The following NEUROD2 variants were observed in gnomAD, a reference collection of about 807,000 sequenced individuals.
The protein encoded by NEUROD2 is neurogenic differentiation factor 2.
Under a neutral mutation model 9.3 loss-of-function variants are expected in NEUROD2, and 5 were observed. The observed-to-expected ratio is 0.54, with a 90% CI of 0.28 to 1.13. The LOEUF (loss-of-function observed/expected upper bound fraction) is 1.13, where lower values mean the gene tolerates loss of function less well. Among genes scored for constraint, NEUROD2 ranks in the 50% most tolerant of loss-of-function variants. The pLI is 0.10. For synonymous variants in NEUROD2, 277 were observed against 257.3 expected, an observed-to-expected ratio of 1.08 and a Z score of -0.73; for missense variants, 376 against 549.2, an observed-to-expected ratio of 0.68 and a Z score of 3.15.
At chr17:39,607,482 C>T in intron 1 of NEUROD2, 1 of 449,296 alleles carries the variant, frequency 2.2e-6, no homozygotes, top group Non-Finnish European at 2.9e-6. Context: ...TCGGCCTCTT[C>T]GCATATCCCC....
chr17:39,605,618 G>A lies in NEUROD2; in HGVS notation c.982C>T (p.His328Tyr). The A allele has an allele frequency of 6.2e-7, 1 of 1,613,630 alleles. No homozygotes were observed. The highest frequency in any genetic ancestry group is 8.5e-7 in the Non-Finnish European group (1 of 1,179,782). ...DHEKSYHYSM[H>Y]YSALPGSRPT... is the part of the protein sequence containing the mutation. ...CGCGAACCGGGCAGCGCCGAGTAGTGCATAGAGTAGTGGTAGCTTTTCTCG... is the reference window on the plus strand; with the variant it reads ...CGCGAACCGGGCAGCGCCGAGTAGTACATAGAGTAGTGGTAGCTTTTCTCG... Residue 328 changes from histidine (H) to tyrosine (Y), a missense_variant, in exon 2 of 2, where the codon CAC (histidine) becomes TAC (tyrosine). Around this residue, in one of 3 missense-constraint regions of NEUROD2, gnomAD observed 193 missense variants for 255.8 expected, o/e 0.75. Coordinates refer to ENST00000302584, the MANE Select transcript of NEUROD2 (RefSeq NM_006160.4). This position sits in a 1 kb window ranked among gnomAD's most constrained non-coding sequence, Gnocchi z 6.8.
chr17:39,606,159 C>A lies in NEUROD2; in HGVS notation c.441G>T (p.Val147=), dbSNP rs758478170. 1.9e-6 allele frequency: 3 copies of A among 1,613,600 alleles called. No homozygotes were observed. In the South Asian group the frequency reaches 3.3e-5, roughly 18 times the overall value. ...TCTGCGTCTTGGAGTAGCAGGGCACCACCTTGCGCAGGTTGTCCAGGGCTG... is the reference window on the plus strand; with the variant it reads ...TCTGCGTCTTGGAGTAGCAGGGCACAACCTTGCGCAGGTTGTCCAGGGCTG... ...LNAALDNLRK[V]VPCYSKTQKL... Residue 147 remains valine, a synonymous_variant, in exon 2 of 2, where the codon GTG becomes GTT. Coordinates refer to ENST00000302584, the MANE Select transcript of NEUROD2 (RefSeq NM_006160.4). This position sits in a 1 kb window ranked among gnomAD's most constrained non-coding sequence, Gnocchi z 7.8.
Position 39,606,114 on chromosome 17 carries a change from C to A in NEUROD2, c.486G>T (p.Thr162=). ...AGATATAGTTCTTGGCTAGGCGCAG[C>A]GTCTCGATCTTGGACAGCTTCTGCG... is the stretch of plus-strand genomic sequence containing the variant. ...SKTQKLSKIE[T]LRLAKNYIWA... is the part of the protein sequence containing the mutation. The change falls in exon 2 of 2, where the codon ACG becomes ACT. Residue 162 remains threonine (T), a synonymous_variant. Coordinates refer to ENST00000302584, the MANE Select transcript of NEUROD2 (RefSeq NM_006160.4). The surrounding 1 kb of genome is among the most constrained non-coding windows in gnomAD (Gnocchi z 7.8). 6.2e-7 allele frequency: 1 copy of A among 1,614,034 alleles called. No homozygotes were observed. Among genetic ancestry groups the A allele is most frequent in the South Asian group, 1.1e-5 (1 of 91,068 alleles).
At chr17:39,607,477 C>T (rs2056774138) in intron 1 of NEUROD2, 1 of 402,290 alleles carries the variant, frequency 2.5e-6, no homozygotes, top group Non-Finnish European at 3.4e-6. Context: ...CCGTCTCGGC[C>T]TCTTCGCATA....
In NEUROD2 at chr17:39,606,771, GC is replaced by G; in HGVS notation, c.-5-168del. ...CCGCCGCCTGCCCCGCCCAGAGCCG[GC>G]CCAGCCCTACCCGGCTGCCGGCCTG... is the stretch of plus-strand genomic sequence containing the variant. On this transcript the variant is annotated intron_variant, in intron 1 of 1. Coordinates refer to ENST00000302584, the MANE Select transcript of NEUROD2 (RefSeq NM_006160.4). This position sits in a 1 kb window ranked among gnomAD's most constrained non-coding sequence, Gnocchi z 7.8. 1 of 688,458 alleles carries G rather than the reference GC, an allele frequency of 1.5e-6. No individual in the cohort carries two copies. The highest frequency in any genetic ancestry group is 2.2e-6 in the Non-Finnish European group (1 of 446,958). The allele number at this position is 688,458 out of a possible 1,614,324, so 42.6% of individuals were successfully genotyped here.
Position 39,605,826 on chromosome 17 carries a change from G to T in NEUROD2, c.774C>A (p.Gly258=), listed in dbSNP as rs1391794130. The change falls in exon 2 of 2, where the codon GGC becomes GGA. Residue 258 remains glycine (G), a synonymous_variant. Transcript: ENST00000302584. This position sits in a 1 kb window ranked among gnomAD's most constrained non-coding sequence, Gnocchi z 6.8. ...TCCGCAGGGCGTGCGCCGCGCCGCC[G>T]CCCAGGCCGCCGGCCGCCTGGCACT... ...GAQCQAAGGL[G]GGAAHALRTH... is the part of the protein sequence containing the mutation. The T allele has an allele frequency of 1.5e-6, 2 of 1,366,976 alleles. No homozygotes were observed. Among genetic ancestry groups the T allele is most frequent in the Non-Finnish European group, 1.9e-6 (2 of 1,066,718 alleles). 84.7% of individuals were successfully genotyped at this position (1,366,976 alleles called of 1,614,324 possible).
In NEUROD2 at chr17:39,606,792, G is replaced by T. The variant is rs1388294021; in HGVS notation, c.-5-188C>A. The T allele has an allele frequency of 8.7e-6, 5 of 574,892 alleles. No individual in the cohort carries two copies. The highest frequency in any genetic ancestry group is 4.0e-5 in the African/African-American group (2 of 49,794). 35.6% of individuals were successfully genotyped at this position (574,892 alleles called of 1,614,324 possible). ...GCCGGCCCAGCCCTACCCGGCTGCC[G>T]GCCTGGGATCTCGGCCCAGGCCCTC... On this transcript the variant is annotated intron_variant, in intron 1 of 1. Transcript: ENST00000302584. The surrounding 1 kb of genome is among the most constrained non-coding windows in gnomAD (Gnocchi z 7.8).
Position 39,606,438 on chromosome 17 carries a change from C to T in NEUROD2, c.162G>A (p.Ala54=). 1.3e-6 allele frequency: 2 copies of T among 1,518,096 alleles called. No homozygotes were observed. The highest frequency in any genetic ancestry group is 1.8e-6 in the Non-Finnish European group (2 of 1,138,414). The allele number at this position is 1,518,096 out of a possible 1,614,324, so 94.0% of individuals were successfully genotyped here. Residue 54 remains alanine, a synonymous_variant, in exon 2 of 2, where the codon GCG becomes GCA. Coordinates refer to ENST00000302584, the MANE Select transcript of NEUROD2 (RefSeq NM_006160.4). The surrounding 1 kb of genome is among the most constrained non-coding windows in gnomAD (Gnocchi z 7.8). ...CTCCACGGAGAGGGACTGGCTTGGCCGCCCGGGCTGGCCCCGGAGCCCCTG... is the reference window on the plus strand; with the variant it reads ...CTCCACGGAGAGGGACTGGCTTGGCTGCCCGGGCTGGCCCCGGAGCCCCTG... The part of the protein sequence containing the change: ...PGPGAPGPAR[A]AKPVPLRGEE...
At position 39,605,392 on chromosome 17, in the gene NEUROD2, G is replaced by A; in HGVS notation, c.*59C>T. The A allele has an allele frequency of 6.8e-7, 1 of 1,471,542 alleles. No individual in the cohort carries two copies. The highest frequency in any genetic ancestry group is 1.4e-5 in the South Asian group (1 of 72,132). 91.2% of individuals were successfully genotyped at this position (1,471,542 alleles called of 1,614,324 possible). On this transcript the variant is annotated 3_prime_UTR_variant, in exon 2 of 2. Coordinates refer to ENST00000302584, the MANE Select transcript of NEUROD2 (RefSeq NM_006160.4). The surrounding 1 kb of genome is among the most constrained non-coding windows in gnomAD (Gnocchi z 6.8). ...GATGGGGGTGTCCCTGCGCTCTGGG[G>A]GCTGGGGACAGGGGGGCGGGCAAAG... is the stretch of plus-strand genomic sequence containing the variant.
At position 39,605,868 on chromosome 17, in the gene NEUROD2, C is replaced by A. The variant is rs546874342; in HGVS notation, c.732G>T (p.Ser244=). 1.9e-6 allele frequency: 3 copies of A among 1,540,378 alleles called. No individual in the cohort carries two copies. The highest frequency in any genetic ancestry group is 2.8e-5 in the African/African-American group (2 of 71,466). ...CCTGGCACTGTGCGCCCGCCAGGCG[C>A]GAGCACGGGTACGGGTAGGGGTGCA... ...FAMHPYPYPC[S]RLAGAQCQAA... Residue 244 remains serine (S), a synonymous_variant, in exon 2 of 2, where the codon TCG becomes TCT. Coordinates refer to ENST00000302584, the MANE Select transcript of NEUROD2 (RefSeq NM_006160.4). This position sits in a 1 kb window ranked among gnomAD's most constrained non-coding sequence, Gnocchi z 6.8.
At chr17:39,607,612 C>A (rs923925324) in intron 1 of NEUROD2, 116 bp downstream of exon 1, 13 of 985,084 alleles carry the variant, frequency 1.3e-5, no homozygotes, top group Non-Finnish European at 1.3e-5. Flanking sequence ...GATGCCCACC[C>A]AATGAGGGGG....
Position 39,606,320 on chromosome 17 carries a change from C to T in NEUROD2, c.280G>A (p.Asp94Asn), listed in dbSNP as rs776909821. Reference sequence around the variant, plus strand: ...TTGGGCCGCTCGCCCTCCGCCTCGTCCAGTCCTTCTTCCTCCTCCTCTTCC... The same window carrying T: ...TTGGGCCGCTCGCCCTCCGCCTCGTTCAGTCCTTCTTCCTCCTCCTCTTCC... ...EEEEEEEEGL[D>N]EAEGERPKKR... is the part of the protein sequence containing the mutation. The change falls in exon 2 of 2, where the codon GAC becomes AAC. Residue 94 changes from aspartate to asparagine, a missense_variant. Asp to Asn is a conservative substitution (Grantham distance 23). Transcript: ENST00000302584. The surrounding 1 kb of genome is among the most constrained non-coding windows in gnomAD (Gnocchi z 7.8). 1.9e-6 allele frequency: 3 copies of T among 1,601,516 alleles called. No homozygotes were observed. The highest frequency in any genetic ancestry group is 1.3e-5 in the African/African-American group (1 of 74,668).
intron 1 of NEUROD2, 62 bp downstream of exon 1, chr17:39,607,666 C>T (rs935604146): frequency 1.0e-6 from 1 of 984,802 alleles, no homozygotes; most frequent in African/African-American, 1.8e-5. Flanking sequence ...TCCTGTCGGC[C>T]GAAGCTGCCG....
rs1428781156 is a variant in NEUROD2, at chr17:39,603,993, C to T, written c.*1458G>A. The T allele has an allele frequency of 6.5e-6, 1 of 152,722 alleles. No homozygotes were observed. Among genetic ancestry groups the T allele is most frequent in the South Asian group, 2.1e-4 (1 of 4,826 alleles). The allele number at this position is 152,722 out of a possible 1,614,324, so 9.5% of individuals were successfully genotyped here. A position where few individuals can be genotyped will look rare whatever the true frequency, so the allele number is the denominator to read the frequency against. On this transcript the variant is annotated 3_prime_UTR_variant, in exon 2 of 2. Transcript: ENST00000302584. The stretch of plus-strand genomic sequence containing the variant: ...CTGCCTCCGGTGGGCAGAGGGTCTC[C>T]TTTTGCCCCTTTTTGGGGGAACCTC...
In NEUROD2 at chr17:39,605,400, A is replaced by C; in HGVS notation, c.*51T>G. The C allele has an allele frequency of 6.8e-7, 1 of 1,481,144 alleles. No individual in the cohort carries two copies. Among genetic ancestry groups the C allele is most frequent in the Non-Finnish European group, 9.0e-7 (1 of 1,108,926 alleles). The allele number at this position is 1,481,144 out of a possible 1,614,324, so 91.8% of individuals were successfully genotyped here. On this transcript the variant is annotated 3_prime_UTR_variant, in exon 2 of 2. Coordinates refer to ENST00000302584, the MANE Select transcript of NEUROD2 (RefSeq NM_006160.4). This position sits in a 1 kb window ranked among gnomAD's most constrained non-coding sequence, Gnocchi z 6.8. ...TGTCCCTGCGCTCTGGGGGCTGGGG[A>C]CAGGGGGGCGGGCAAAGGCAAAAGA...
At position 39,606,519 on chromosome 17, in the gene NEUROD2, G is replaced by C; in HGVS notation, c.81C>G (p.Asp27Glu). ...CGTCGCCCTTGTCGCTCCTCGGCTC[G>C]TCGTCTTCGCCGTCGCCCCAGCTGG... The part of the protein sequence containing the change: ...KFASWGDGED[D>E]EPRSDKGDAP... The change falls in exon 2 of 2, where the codon GAC (aspartate) becomes GAG (glutamate). Residue 27 changes from aspartate (D) to glutamate (E), a missense_variant. Transcript: ENST00000302584. This position sits in a 1 kb window ranked among gnomAD's most constrained non-coding sequence, Gnocchi z 7.8. The C allele has an allele frequency of 6.4e-7, 1 of 1,566,042 alleles. No individual in the cohort carries two copies.
Position 39,606,774 on chromosome 17 carries a change from C to G in NEUROD2, c.-5-170G>C. On this transcript the variant is annotated intron_variant, in intron 1 of 1. Coordinates refer to ENST00000302584, the MANE Select transcript of NEUROD2 (RefSeq NM_006160.4). This position sits in a 1 kb window ranked among gnomAD's most constrained non-coding sequence, Gnocchi z 7.8. ...CCGCCTGCCCCGCCCAGAGCCGGCCCAGCCCTACCCGGCTGCCGGCCTGGG... is the reference window on the plus strand; with the variant it reads ...CCGCCTGCCCCGCCCAGAGCCGGCCGAGCCCTACCCGGCTGCCGGCCTGGG... 1.5e-6 allele frequency: 1 copy of G among 655,628 alleles called. No individual in the cohort carries two copies. The highest frequency in any genetic ancestry group is 4.0e-5 in the Admixed American group (1 of 25,254). 40.6% of individuals were successfully genotyped at this position (655,628 alleles called of 1,614,324 possible). A position where few individuals can be genotyped will look rare whatever the true frequency, so the allele number is the denominator to read the frequency against.
At position 39,605,897 on chromosome 17, in the gene NEUROD2, C is replaced by T. The variant is rs1187755349; in HGVS notation, c.703G>A (p.Ala235Thr). ...GRFHGSGGPF[A>T]MHPYPYPCSR... ...CACGGGTACGGGTAGGGGTGCATGG[C>T]GAACGGGCCGCCCGAGCCGTGGAAG... Residue 235 changes from alanine to threonine, a missense_variant, in exon 2 of 2, where the codon GCC (alanine) becomes ACC (threonine). Around this residue, in one of 3 missense-constraint regions of NEUROD2, gnomAD observed 193 missense variants for 255.8 expected, o/e 0.75. Coordinates refer to ENST00000302584, the MANE Select transcript of NEUROD2 (RefSeq NM_006160.4). The surrounding 1 kb of genome is among the most constrained non-coding windows in gnomAD (Gnocchi z 6.8). The T allele has an allele frequency of 6.2e-7, 1 of 1,603,556 alleles. No individual in the cohort carries two copies. The highest frequency in any genetic ancestry group is 1.7e-5 in the Admixed American group (1 of 59,386).
chr17:39,605,590 G>A lies in NEUROD2; in HGVS notation c.1010C>T (p.Pro337Leu). The A allele has an allele frequency of 6.2e-7, 1 of 1,613,776 alleles. No homozygotes were observed. The highest frequency in any genetic ancestry group is 8.5e-7 in the Non-Finnish European group (1 of 1,179,872). The change falls in exon 2 of 2, where the codon CCC (proline) becomes CTC (leucine). Residue 337 changes from proline to leucine, a missense_variant. By Grantham distance (98) the Pro-to-Leu change is moderately conservative. Transcript: ENST00000302584. This position sits in a 1 kb window ranked among gnomAD's most constrained non-coding sequence, Gnocchi z 6.8. Reference sequence around the variant, plus strand: ...GCCGAAGACTAGCCCGTGGCCCGTGGGCCGCGAACCGGGCAGCGCCGAGTA... The same window carrying A: ...GCCGAAGACTAGCCCGTGGCCCGTGAGCCGCGAACCGGGCAGCGCCGAGTA... ...MHYSALPGSR[P>L]TGHGLVFGSS...
Sources: allele counts gnomAD v4.1 joint callset, GRCh38; gene constraint gnomAD v4.1.1; regional missense constraint gnomAD v4.1.1; non-coding constraint Gnocchi (gnomAD v3.1); transcripts MANE v1.5; gene names NCBI Gene and HGNC (gene_info 2026-07-23, HGNC 2026-07-21).